Variants in RNASET2 observed in about 807,000 individuals in gnomAD.
The protein encoded by RNASET2 is ribonuclease 6.
Under a neutral mutation model 33.9 loss-of-function variants are expected in RNASET2, and 28 were observed. That is an observed-to-expected ratio of 0.83 (90% CI 0.61 to 1.13). RNASET2 has a LOEUF of 1.13. RNASET2 is among the 50% of genes most tolerant of loss of function. The probability of loss-of-function intolerance (pLI) is 0.00; values close to 1 mark genes in which losing one functional copy is unlikely to be tolerated. For missense variants in RNASET2, 330 were observed against 319.9 expected (o/e 1.03, Z -0.24); for synonymous variants, 123 against 121.0 (o/e 1.02, Z -0.11).
intron 3 of RNASET2, 82 bp downstream of exon 3, chr6:166,948,488 T>A (rs754806784): frequency 1.2e-6 from 1 of 860,920 alleles, no homozygotes; most frequent in Admixed American, 1.7e-5. Flanking sequence ...AAAACAAGAA[T>A]AAATATTAAG....
At chr6:166,946,860 T>C (rs1312537136) in intron 3 of RNASET2, 121 bp from the exon 4 acceptor site, 6 of 722,650 alleles carry the variant, frequency 8.3e-6, no homozygotes, top group East Asian at 5.4e-5. Context: ...AAATTCTAAT[T>C]GGGAATTCCT....
At position 166,922,899 on chromosome 6, in the gene RNASET2, T is replaced by A. The variant is rs1298472333; in HGVS notation, c.*6689A>T. 1.3e-5 allele frequency among the ~76,000 whole-genome samples: 2 copies of A among 152,202 alleles called. No homozygotes were observed. Among genetic ancestry groups the A allele is most frequent in the African/African-American group, 4.8e-5 (2 of 41,438 alleles). On this transcript the variant is annotated 3_prime_UTR_variant, in exon 9 of 9. Coordinates refer to ENST00000508775, the MANE Select transcript of RNASET2 (RefSeq NM_003730.6). ...TACACGCCAGGTTCAATGTCTTTGC[T>A]GGTAAAAATGGGCCACTGTCACTCT...
chr6:166,955,249 GCACA>G (rs1313019233), intron 1 of RNASET2, among the ~76,000 whole-genome samples: 18 of 92,964 alleles, frequency 1.9e-4, no homozygotes, highest in African/African-American at 5.0e-4. Context: ...GCACACACAC[GCACA>G]CACGCACACA....
intron 4 of RNASET2, among the ~76,000 whole-genome samples, chr6:166,946,340 C>T (rs1178976757): frequency 1.3e-5 from 2 of 150,678 alleles, no homozygotes; most frequent in African/African-American, 2.5e-5. Context: ...ACCCAGAAGT[C>T]CTGGGGCCTG....
In RNASET2 at chr6:166,925,239, G is replaced by A. The variant is rs1012518118; in HGVS notation, c.*4349C>T. 2.2e-5 allele frequency among the ~76,000 whole-genome samples: 3 copies of A among 133,492 alleles called. No homozygotes were observed. Among genetic ancestry groups the A allele is most frequent in the South Asian group, 2.5e-4 (1 of 3,936 alleles). The allele number at this position is 133,492 out of a possible 152,430, so 87.6% of individuals were successfully genotyped here. A position where few individuals can be genotyped will look rare whatever the true frequency, so the allele number is the denominator to read the frequency against. On this transcript the variant is annotated 3_prime_UTR_variant, in exon 9 of 9. Transcript: ENST00000508775. The stretch of plus-strand genomic sequence containing the variant: ...CAGGCATCACCCTTGCTGTCCAGCC[G>A]ACACCTACGATGCGCAGTCCATGTC...
At chr6:166,955,215 A>G (rs201810577) in intron 1 of RNASET2, among the ~76,000 whole-genome samples, 8 of 88,274 alleles carry the variant, frequency 9.1e-5, no homozygotes, top group South Asian at 4.9e-4. Flanking sequence ...ACACGCACGC[A>G]CACACGCGCA....
At chr6:166,952,976 T>A (rs536424896) in intron 1 of RNASET2, 5 of 213,886 alleles carry the variant, frequency 2.3e-5, no homozygotes, top group African/African-American at 6.9e-5. Flanking sequence ...TTTTTTGTAA[T>A]TCATTTGGCA....
In RNASET2 at chr6:166,925,357, G is replaced by A. The variant is rs547234824; in HGVS notation, c.*4231C>T. 2.1e-5 allele frequency among the ~76,000 whole-genome samples: 3 copies of A among 143,486 alleles called. No individual in the cohort carries two copies. The highest frequency in any genetic ancestry group is 4.6e-5 in the Non-Finnish European group (3 of 65,704). The allele number at this position is 143,486 out of a possible 152,430, so 94.1% of individuals were successfully genotyped here. On this transcript the variant is annotated 3_prime_UTR_variant, in exon 9 of 9. Transcript: ENST00000508775. ...CCCAGCTCTCACTTCCTCCATCCAG[G>A]CATCATTCCTGCCACCCAGGCCTCA...
At chr6:166,955,219 A>T (rs1359284053) in intron 1 of RNASET2, among the ~76,000 whole-genome samples, 2 of 88,874 alleles carry the variant, frequency 2.3e-5, no homozygotes, top group Non-Finnish European at 3.9e-5. Context: ...GCACGCACAC[A>T]CGCGCACACA....
intron 8 of RNASET2, 40 bp from the exon 9 acceptor site, chr6:166,929,831 T>C (rs373610869): frequency 7.0e-6 from 11 of 1,571,310 alleles, no homozygotes; most frequent in Non-Finnish European, 9.6e-6. Flanking sequence ...AATTCAGATC[T>C]TGGATTATCA....
chr6:166,955,397 G>GCGCGCACACACACACACGCA (rs1416763125), intron 1 of RNASET2: 1 of 519,248 alleles, frequency 1.9e-6, no homozygotes, highest in Non-Finnish European at 2.3e-6. Flanking sequence ...ACACACACGC[G>GCGCGCACACACACACACGCA]CACACACACA....
In RNASET2 at chr6:166,934,063, C is replaced by T. The variant is rs201087711; in HGVS notation, c.492+28G>A. On this transcript the variant is annotated intron_variant, in intron 7 of 8. Transcript: ENST00000508775. ...ACTGGAGGTCCCCGGGAGAGACACA[C>T]GAGAAAAGAAGCAAAAGCAAGACTT... The T allele has an allele frequency of 1.7e-4, 265 of 1,587,826 alleles. 4 individuals carry two copies. Among genetic ancestry groups the T allele is most frequent in the Middle Eastern group, 1.5e-3 (9 of 6,040 alleles).
chr6:166,933,998 G>A lies in RNASET2; in HGVS notation c.492+93C>T. The stretch of plus-strand genomic sequence containing the variant: ...AAGTAGGAAGGGGGTTTGCACTGGG[G>A]CAATTTACAGCCCATTGACTCAGAG... On this transcript the variant is annotated intron_variant, in intron 7 of 8. Coordinates refer to ENST00000508775, the MANE Select transcript of RNASET2 (RefSeq NM_003730.6). The surrounding 1 kb of genome is among the most constrained non-coding windows in gnomAD (Gnocchi z 4.1). The A allele has an allele frequency of 1.1e-6, 1 of 877,144 alleles. No individual in the cohort carries two copies. The allele number at this position is 877,144 out of a possible 1,614,324, so 54.3% of individuals were successfully genotyped here.
chr6:166,923,420 C>T lies in RNASET2; in HGVS notation c.*6168G>A, dbSNP rs1156747934. Among the ~76,000 whole-genome samples, 3 of 151,832 alleles carry T rather than the reference C, an allele frequency of 2.0e-5. No individual in the cohort carries two copies. Among genetic ancestry groups the T allele is most frequent in the African/African-American group, 4.8e-5 (2 of 41,256 alleles). On this transcript the variant is annotated 3_prime_UTR_variant, in exon 9 of 9. Coordinates refer to ENST00000508775, the MANE Select transcript of RNASET2 (RefSeq NM_003730.6). The stretch of plus-strand genomic sequence containing the variant: ...TTTTTAGTAGAGATAGGGTTTCGTC[C>T]TGTTGGCCAGGGTGGTCTTGAACGC...
rs756454627 is a variant in RNASET2, at chr6:166,948,640, T to C, written c.148-15A>G. On this transcript the variant is annotated splice_polypyrimidine_tract_variant and intron_variant, in intron 2 of 8. Transcript: ENST00000508775. The stretch of plus-strand genomic sequence containing the variant: ...TTTTGAATTTTCTAGGGAGAAAATA[T>C]AACAAGAAAATGATTGGCTCTTTGT... The C allele has an allele frequency of 2.0e-6, 3 of 1,463,486 alleles. No individual in the cohort carries two copies. Among genetic ancestry groups the C allele is most frequent in the East Asian group, 4.5e-5 (2 of 44,008 alleles). 90.7% of individuals were successfully genotyped at this position (1,463,486 alleles called of 1,614,324 possible). A position where few individuals can be genotyped will look rare whatever the true frequency, so the allele number is the denominator to read the frequency against.
At position 166,933,876 on chromosome 6, in the gene RNASET2, T is replaced by G; in HGVS notation, c.492+215A>C. 3 of 595,714 alleles carry G rather than the reference T, an allele frequency of 5.0e-6. No individual in the cohort carries two copies. In the Admixed American group the frequency reaches 8.7e-5, roughly 17 times the overall value. 36.9% of individuals were successfully genotyped at this position (595,714 alleles called of 1,614,324 possible). A position where few individuals can be genotyped will look rare whatever the true frequency, so the allele number is the denominator to read the frequency against. ...TTCTCACAAAGGGAGCCATGAAATC[T>G]GTGCTTCCAAATCACTGGTCTAAGC... On this transcript the variant is annotated intron_variant, in intron 7 of 8. Coordinates refer to ENST00000508775, the MANE Select transcript of RNASET2 (RefSeq NM_003730.6). The surrounding 1 kb of genome is among the most constrained non-coding windows in gnomAD (Gnocchi z 4.1).
rs1341054549 is a variant in RNASET2 at position 166,925,528 on chromosome 6, C to T, written c.*4060G>A. Among the ~76,000 whole-genome samples the T allele has an allele frequency of 1.3e-5, 2 of 151,988 alleles. No individual in the cohort carries two copies. The highest frequency in any genetic ancestry group is 2.9e-5 in the Non-Finnish European group (2 of 67,980). On this transcript the variant is annotated 3_prime_UTR_variant, in exon 9 of 9. Coordinates refer to ENST00000508775, the MANE Select transcript of RNASET2 (RefSeq NM_003730.6). The stretch of plus-strand genomic sequence containing the variant: ...CTCACCTCCCCGGTCCAGCCCTTGC[C>T]TCCCCCGTCCAGCCCTCACCTCCAT...
chr6:166,955,222 C>T lies in RNASET2; in HGVS notation c.86+875G>A, dbSNP rs1169316619. On this transcript the variant is annotated intron_variant, in intron 1 of 8. Transcript: ENST00000508775. ...GCACGCACACACGCACGCACACACG[C>T]GCACACACGCACGCACGCACACACA... Among the ~76,000 whole-genome samples, 2 of 32,960 alleles carry T rather than the reference C, an allele frequency of 6.1e-5. 1 individual carries two copies. Among genetic ancestry groups the T allele is most frequent in the Non-Finnish European group, 9.5e-5 (2 of 20,946 alleles). 21.6% of individuals were successfully genotyped at this position (32,960 alleles called of 152,430 possible).
chr6:166,955,057 G>C (rs182555845), intron 1 of RNASET2, among the ~76,000 whole-genome samples: 10 of 151,694 alleles, frequency 6.6e-5, no homozygotes, highest in African/African-American at 1.7e-4. Context: ...CTATTAACCC[G>C]ATCATTACCC....
Sources: gnomAD v4.1 joint callset for allele counts (sites outside exome capture counted in the v4.1 genomes callset) on GRCh38, gnomAD v4.1.1 for gene constraint, Gnocchi (gnomAD v3.1) non-coding constraint, MANE v1.5 for transcripts, NCBI Gene and HGNC (gene_info 2026-07-23, HGNC 2026-07-21) for gene names.